The following P3H2 variants were observed in gnomAD, a reference collection of about 807,000 sequenced individuals.
P3H2 encodes the protein prolyl 3-hydroxylase 2.
P3H2 carries 80 observed loss-of-function variants against 87.0 expected under a neutral mutation model. The observed-to-expected ratio is 0.92, with a 90% CI of 0.77 to 1.11. P3H2 has a LOEUF of 1.11. Ranked by LOEUF, P3H2 falls within the 50% of genes least tolerant of loss-of-function variation. The pLI is 0.00. For missense variants in P3H2, 1,001 were observed against 923.9 expected (o/e 1.08, Z -1.08); for synonymous variants, 367 against 359.3 (o/e 1.02, Z -0.24).
intron 1 of P3H2, among the ~76,000 whole-genome samples, chr3:190,059,627 C>G (rs188071747): frequency 1.3e-5 from 2 of 152,292 alleles, no homozygotes; most frequent in East Asian, 3.9e-4. Flanking sequence ...CCTTCACTGC[C>G]TCTGCCACCC....
chr3:189,978,450 G>T (rs1723419700), intron 8 of P3H2, among the ~76,000 whole-genome samples: 1 of 152,136 alleles, frequency 6.6e-6, no homozygotes. Context: ...TTAAGAGAAG[G>T]CTACTGGGAT....
Position 189,973,984 on chromosome 3 carries a change from A to T in P3H2, c.1473T>A (p.Asp491Glu). The T allele has an allele frequency of 1.2e-6, 2 of 1,613,990 alleles. No individual in the cohort carries two copies. Among genetic ancestry groups the T allele is most frequent in the Non-Finnish European group, 1.7e-6 (2 of 1,179,852 alleles). ...GGGGTGAAGTTTTTCCTCTGTATCC[A>T]TCACCAACAAGCATGATTCCCTGGA... ...SVASGIMLVG[D>E]GYRGKTSPHT... The change falls in exon 10 of 15, where the codon GAT (aspartate) becomes GAA (glutamate). Residue 491 changes from aspartate to glutamate, a missense_variant. Asp to Glu is a conservative substitution (Grantham distance 45). Transcript: ENST00000319332.
intron 1 of P3H2, among the ~76,000 whole-genome samples, chr3:190,039,364 C>T (rs1390353807): frequency 6.6e-6 from 1 of 152,070 alleles, no homozygotes; most frequent in East Asian, 1.9e-4. Context: ...TAAGTCTGTA[C>T]CTTGGTATAA....
intron 1 of P3H2, among the ~76,000 whole-genome samples, chr3:190,070,031 T>C (rs1035457486): frequency 6.6e-5 from 10 of 152,004 alleles, no homozygotes; most frequent in African/African-American, 2.4e-4. Flanking sequence ...TGTTTTAAGA[T>C]GCATGCATGA....
intron 1 of P3H2, among the ~76,000 whole-genome samples, chr3:190,054,424 A>G (rs557600129): frequency 6.6e-6 from 1 of 152,174 alleles, no homozygotes; most frequent in Admixed American, 6.5e-5. Flanking sequence ...AATGTGGTAG[A>G]GAGAAAAAAA....
chr3:190,107,161 T>C (rs1404945382), intron 1 of P3H2, among the ~76,000 whole-genome samples: 1 of 152,174 alleles, frequency 6.6e-6, no homozygotes, highest in African/African-American at 2.4e-5. Context: ...TATATGAGTA[T>C]TTAGTCTGAT....
At chr3:190,095,171 GACTT>G (rs1447563303) in intron 1 of P3H2, among the ~76,000 whole-genome samples, 2 of 151,030 alleles carry the variant, frequency 1.3e-5, no homozygotes, top group African/African-American at 4.9e-5. Context: ...TGAAAACTGA[GACTT>G]ATTATTATGT....
At chr3:189,961,165 C>A (rs1391857039) in intron 14 of P3H2, among the ~76,000 whole-genome samples, 3 of 151,948 alleles carry the variant, frequency 2.0e-5, no homozygotes, top group Non-Finnish European at 2.9e-5. Context: ...GGTTTCGAAC[C>A]CCTGACCTCA....
intron 1 of P3H2, among the ~76,000 whole-genome samples, chr3:189,996,539 T>TGTGCA (rs1724057192): frequency 6.6e-6 from 1 of 152,230 alleles, no homozygotes; most frequent in Non-Finnish European, 1.5e-5. Flanking sequence ...TCTGGTGTTC[T>TGTGCA]ATTGCACAGT....
intron 13 of P3H2, among the ~76,000 whole-genome samples, chr3:189,965,366 ATG>A (rs1313225582): frequency 6.6e-6 from 1 of 152,094 alleles, no homozygotes; most frequent in Non-Finnish European, 1.5e-5. Flanking sequence ...TTATGTGGGC[ATG>A]TGTGTGTGTT....
chr3:190,088,205 ACAT>A (rs1260374927), intron 1 of P3H2, among the ~76,000 whole-genome samples: 2 of 152,222 alleles, frequency 1.3e-5, no homozygotes, highest in Non-Finnish European at 2.9e-5. Flanking sequence ...TAAAATGAAC[ACAT>A]CATTTAAAAA....
intron 1 of P3H2, among the ~76,000 whole-genome samples, chr3:190,017,833 C>T (rs1230318283): frequency 6.6e-6 from 1 of 152,186 alleles, no homozygotes; most frequent in Non-Finnish European, 1.5e-5. Flanking sequence ...TTACTCAGGA[C>T]ATTGGAATGG....
In P3H2 at chr3:189,995,405, G is replaced by A. The variant is rs144303961; in HGVS notation, c.518C>T (p.Thr173Ile). ...GTGCTCAGGGTTAGCCACGAAAAAT[G>A]TGTGAGCTGCTTCCACTGCTTTTTC... ...QLEKAVEAAH[T>I]FFVANPEHME... The change falls in exon 2 of 15, where the codon ACA (threonine) becomes ATA (isoleucine). Residue 173 changes from threonine (T) to isoleucine (I), a missense_variant. By Grantham distance (89) the Thr-to-Ile change is moderately conservative. Coordinates refer to ENST00000319332, the MANE Select transcript of P3H2 (RefSeq NM_018192.4). 2.5e-6 allele frequency: 4 copies of A among 1,613,892 alleles called. No homozygotes were observed. Among genetic ancestry groups the A allele is most frequent in the Non-Finnish European group, 3.4e-6 (4 of 1,180,018 alleles).
rs569616392 is a variant in P3H2, at chr3:190,054,122, A to G, written c.481-58680T>C. Among the ~76,000 whole-genome samples, 3 of 152,322 alleles carry G rather than the reference A, an allele frequency of 2.0e-5. No homozygotes were observed. In the East Asian group the frequency reaches 5.8e-4, roughly 29 times the overall value. On this transcript the variant is annotated intron_variant, in intron 1 of 14. Coordinates refer to ENST00000319332, the MANE Select transcript of P3H2 (RefSeq NM_018192.4). The stretch of plus-strand genomic sequence containing the variant: ...TGCTGCATTATACTCCAAGACCACT[A>G]CTGGAACAGTGAGGTTACTGAAATA...
intron 3 of P3H2, among the ~76,000 whole-genome samples, chr3:189,989,624 T>C (rs1364388131): frequency 1.3e-5 from 2 of 152,208 alleles, no homozygotes; most frequent in Non-Finnish European, 2.9e-5. Context: ...AAACCTATTC[T>C]ATCCAGTTAT....
chr3:189,972,882 G>C lies in P3H2; in HGVS notation c.1691C>G (p.Ala564Gly), dbSNP rs1326338537. 2.5e-6 allele frequency: 4 copies of C among 1,613,938 alleles called. No individual in the cohort carries two copies. Among genetic ancestry groups the C allele is most frequent in the Non-Finnish European group, 3.4e-6 (4 of 1,179,946 alleles). ...FSYTHMVCRT[A>G]LSGQQDRRND... is the part of the protein sequence containing the mutation. ...TCAGACTGCAATCTCACCAGACAGGGCTGTTCGGCAGACCATGTGTGTATA... is the reference window on the plus strand; with the variant it reads ...TCAGACTGCAATCTCACCAGACAGGCCTGTTCGGCAGACCATGTGTGTATA... Residue 564 changes from alanine (A) to glycine (G), a missense_variant, in exon 11 of 15, where the codon GCC (alanine) becomes GGC (glycine). By Grantham distance (60) the Ala-to-Gly change is moderately conservative. Coordinates refer to ENST00000319332, the MANE Select transcript of P3H2 (RefSeq NM_018192.4).
chr3:189,971,793 T>G, intron 12 of P3H2, 97 bp downstream of exon 12: 1 of 794,508 alleles, frequency 1.3e-6, no homozygotes, highest in Non-Finnish European at 2.3e-6. Flanking sequence ...CTTGGAGATA[T>G]GAACACGACG....
intron 1 of P3H2, among the ~76,000 whole-genome samples, chr3:190,016,397 C>G (rs1197996501): frequency 6.6e-6 from 1 of 152,058 alleles, no homozygotes; most frequent in Non-Finnish European, 1.5e-5. Flanking sequence ...GCGCCCTCCA[C>G]CACGCCCAGC....
intron 1 of P3H2, among the ~76,000 whole-genome samples, chr3:190,049,495 T>C (rs1725908090): frequency 6.6e-6 from 1 of 152,188 alleles, no homozygotes; most frequent in South Asian, 2.1e-4. Context: ...TGATGAGTGG[T>C]TGTTGATATG....
Sources: gnomAD v4.1 joint callset for allele counts (sites outside exome capture counted in the v4.1 genomes callset) on GRCh38, gnomAD v4.1.1 for gene constraint, MANE v1.5 for transcripts, NCBI Gene and HGNC (gene_info 2026-07-23, HGNC 2026-07-21) for gene names.